The following ZFHX3 variants were observed in gnomAD, a reference collection of about 807,000 sequenced individuals.
ZFHX3 encodes zinc finger homeobox 3.
Under a neutral mutation model 279.1 loss-of-function variants are expected in ZFHX3, and 42 were observed. The ratio of observed to expected loss-of-function variants is 0.15; its 90% CI spans 0.12 to 0.19. ZFHX3 has a LOEUF of 0.19. ZFHX3 is among the 10% of genes least tolerant of loss of function. The pLI, the probability that ZFHX3 is intolerant of heterozygous loss-of-function variation, is 1.00. For synonymous variants in ZFHX3, 2,293 were observed against 1,957.8 expected, an observed-to-expected ratio of 1.17 and a Z score of -4.52; for missense variants, 4,981 against 4,754.0, an observed-to-expected ratio of 1.05 and a Z score of -1.40.
intron 1 of ZFHX3, among the ~76,000 whole-genome samples, chr16:73,802,162 C>CTTT (rs370752968): frequency 6.7e-6 from 1 of 149,878 alleles, no homozygotes; most frequent in African/African-American, 2.4e-5. Flanking sequence ...AAATGTGTGA[C>CTTT]TTTTTTTTTT....
intron 2 of ZFHX3, among the ~76,000 whole-genome samples, chr16:73,494,810 T>A (rs2019112735): frequency 6.6e-6 from 1 of 152,048 alleles, no homozygotes; most frequent in Non-Finnish European, 1.5e-5. Context: ...TCAGGTGATC[T>A]GCCCACCTTG....
chr16:73,247,387 G>A (rs866354616), intron 5 of ZFHX3, among the ~76,000 whole-genome samples: 9 of 151,904 alleles, frequency 5.9e-5, no homozygotes, highest in East Asian at 1.9e-4. Flanking sequence ...TGGAGTATAC[G>A]CGTGTGTGTA....
At chr16:73,166,601 T>C (rs1281229119) in intron 5 of ZFHX3, among the ~76,000 whole-genome samples, 1 of 151,656 alleles carries the variant, frequency 6.6e-6, no homozygotes, top group Admixed American at 6.6e-5. Context: ...AGGGAGGGGG[T>C]CTGCTGCATG....
intron 2 of ZFHX3, among the ~76,000 whole-genome samples, chr16:73,520,699 C>A (rs2019595241): frequency 1.3e-5 from 2 of 152,090 alleles, no homozygotes; most frequent in Admixed American, 1.3e-4. Flanking sequence ...ATGAATAAAC[C>A]AAGTCACCTA....
In ZFHX3 at chr16:72,793,931, G is replaced by A; in HGVS notation, c.8751C>T (p.Thr2917=). 1 of 1,614,228 alleles carries A rather than the reference G, an allele frequency of 6.2e-7. No homozygotes were observed. The highest frequency in any genetic ancestry group is 8.5e-7 in the Non-Finnish European group (1 of 1,180,048). The part of the protein sequence containing the change: ...DNEGTVDYSE[T]SSLADPCSPS... ...GGGAGCAGGGATCTGCAAGGCTTGA[G>A]GTTTCACTGTAGTCCACTGTACCTT... The change falls in exon 9 of 10, where the codon ACC becomes ACT. Residue 2917 remains threonine, a synonymous_variant. Transcript: ENST00000268489. This position sits in a 1 kb window ranked among gnomAD's most constrained non-coding sequence, Gnocchi z 4.3.
chr16:72,869,610 G>A (rs7342782), intron 4 of ZFHX3, among the ~76,000 whole-genome samples: 77,464 of 151,908 alleles, frequency 0.51, 20,512 homozygotes, highest in Non-Finnish European at 0.59. Context: ...CTAAAGTTCT[G>A]GCCTGCTGAA....
At chr16:73,747,557 G>A (rs530817609) in intron 1 of ZFHX3, among the ~76,000 whole-genome samples, 31 of 152,140 alleles carry the variant, frequency 2.0e-4, no homozygotes, top group Middle Eastern at 3.4e-3. Context: ...TAATATACTA[G>A]GTGATCTAAC....
chr16:73,515,767 T>A (rs1170318294), intron 2 of ZFHX3, among the ~76,000 whole-genome samples: 1 of 152,180 alleles, frequency 6.6e-6, no homozygotes, highest in African/African-American at 2.4e-5. Context: ...GGGACTCTAT[T>A]TAGGAGACGT....
At chr16:73,082,393 G>A (rs1360594265) in intron 8 of ZFHX3, among the ~76,000 whole-genome samples, 1 of 151,872 alleles carries the variant, frequency 6.6e-6, no homozygotes, top group South Asian at 2.1e-4. Context: ...TCAGCCTCCC[G>A]AATAGCTGGG....
At chr16:73,066,140 G>A (rs1965749255) in intron 8 of ZFHX3, among the ~76,000 whole-genome samples, 1 of 152,224 alleles carries the variant, frequency 6.6e-6, no homozygotes, top group Non-Finnish European at 1.5e-5. Flanking sequence ...TGTGGACTCG[G>A]GGCGCGCCCT....
intron 3 of ZFHX3, among the ~76,000 whole-genome samples, chr16:72,944,408 A>G (rs1042688668): frequency 7.9e-5 from 12 of 152,238 alleles, no homozygotes; most frequent in Non-Finnish European, 1.5e-4. Flanking sequence ...AAGCACAGAA[A>G]AGAGCACAAA....
intron 1 of ZFHX3, among the ~76,000 whole-genome samples, chr16:73,858,141 C>T (rs1961787838): frequency 6.6e-6 from 1 of 151,712 alleles, no homozygotes; most frequent in Admixed American, 6.6e-5. Flanking sequence ...CTAATGAAAT[C>T]TAGCAAAAAG....
chr16:73,276,937 G>C (rs1218795245), intron 4 of ZFHX3, among the ~76,000 whole-genome samples: 1 of 152,186 alleles, frequency 6.6e-6, no homozygotes, highest in African/African-American at 2.4e-5. Context: ...AGGTTTAGGA[G>C]GAATTTCTCC....
chr16:72,791,893 A>C (rs375523560), intron 9 of ZFHX3, among the ~76,000 whole-genome samples: 1 of 152,214 alleles, frequency 6.6e-6, no homozygotes, highest in East Asian at 1.9e-4. Flanking sequence ...CAAAGTGTAA[A>C]ATGTGGAACT....
chr16:73,219,094 G>T (rs575048938), intron 5 of ZFHX3, among the ~76,000 whole-genome samples: 92 of 152,236 alleles, frequency 6.0e-4, no homozygotes, highest in African/African-American at 1.7e-3. Flanking sequence ...TGTCTTCAAG[G>T]TTCATTCGTA....
intron 3 of ZFHX3, among the ~76,000 whole-genome samples, chr16:72,915,868 T>C (rs1201500259): frequency 6.6e-6 from 1 of 152,258 alleles, no homozygotes; most frequent in Non-Finnish European, 1.5e-5. Context: ...GAGTGCTTAC[T>C]ATGTGCCAGG....
chr16:73,350,946 C>T lies in ZFHX3; in HGVS notation c.-1290-32610G>A, dbSNP rs375156438. On this transcript the variant is annotated intron_variant, in intron 3 of 17. Transcript: ENST00000641206. ...CAAGGGAGGATGTGGGCCAGCTCATCGGGATCCAAACCCATGCACCGGTCC... is the reference window on the plus strand; with the variant it reads ...CAAGGGAGGATGTGGGCCAGCTCATTGGGATCCAAACCCATGCACCGGTCC... Among the ~76,000 whole-genome samples, 80 of 152,274 alleles carry T rather than the reference C, an allele frequency of 5.3e-4. No individual in the cohort carries two copies. In the Middle Eastern group the frequency reaches 0.02, roughly 39 times the overall value.
At chr16:73,603,256 G>A (rs189978283) in intron 2 of ZFHX3, among the ~76,000 whole-genome samples, 86 of 150,464 alleles carry the variant, frequency 5.7e-4, no homozygotes, top group Non-Finnish European at 1.1e-3. Context: ...CTGCACTCCA[G>A]CCTGGGCAAC....
chr16:72,906,889 A>C (rs2039188622), intron 3 of ZFHX3, among the ~76,000 whole-genome samples: 1 of 152,158 alleles, frequency 6.6e-6, no homozygotes, highest in South Asian at 2.1e-4. Context: ...AGGTGGGTGG[A>C]AGCGAGGACT....
Sources: allele counts gnomAD v4.1 joint callset (sites outside exome capture counted in the v4.1 genomes callset), GRCh38; gene constraint gnomAD v4.1.1; non-coding constraint Gnocchi (gnomAD v3.1); transcripts MANE v1.5; gene names NCBI Gene and HGNC (gene_info 2026-07-23, HGNC 2026-07-21).